Variants in ADGRB3 observed in about 807,000 individuals in gnomAD.
The protein encoded by ADGRB3 is adhesion G protein-coupled receptor B3.
ADGRB3 carries 37 observed loss-of-function variants against 193.4 expected under a neutral mutation model. The observed-to-expected ratio is 0.19, with a 90% CI of 0.15 to 0.25. The LOEUF is 0.25. Ranked by LOEUF, ADGRB3 falls within the 10% of genes least tolerant of loss-of-function variation. ADGRB3 has a pLI of 1.00. For synonymous variants in ADGRB3, 690 were observed against 644.2 expected, an observed-to-expected ratio of 1.07 and a Z score of -1.08; for missense variants, 1,637 against 1,852.9, an observed-to-expected ratio of 0.88 and a Z score of 2.14.
Position 69,383,439 on chromosome 6 carries a change from T to C in ADGRB3, c.4380+504T>C, listed in dbSNP as rs1008883381. On this transcript the variant is annotated intron_variant, in intron 31 of 31. Coordinates refer to ENST00000370598, the MANE Select transcript of ADGRB3 (RefSeq NM_001704.3). ...CTCTGGTTATTAACTGTGACCATTC[T>C]CTTCTCATTCATTTACATTATTATA... 1.3e-4 allele frequency among the ~76,000 whole-genome samples: 20 copies of C among 152,002 alleles called. 1 individual carries two copies. Among genetic ancestry groups the C allele is most frequent in the Admixed American group, 8.5e-4 (13 of 15,228 alleles).
Position 69,376,885 on chromosome 6 carries a change from C to A in ADGRB3, c.4275+4444C>A, listed in dbSNP as rs868372441. Among the ~76,000 whole-genome samples, 28 of 152,020 alleles carry A rather than the reference C, an allele frequency of 1.8e-4. 1 individual carries two copies. The highest frequency in any genetic ancestry group is 6.5e-4 in the African/African-American group (27 of 41,490). On this transcript the variant is annotated intron_variant, in intron 30 of 31. Coordinates refer to ENST00000370598, the MANE Select transcript of ADGRB3 (RefSeq NM_001704.3). ...CTGTTGCAAAATTATGCATTTACAG[C>A]AAGTATACTCATGATTGACAGTGGC...
At chr6:69,232,000 A>G (rs1766150910) in intron 17 of ADGRB3, among the ~76,000 whole-genome samples, 1 of 152,214 alleles carries the variant, frequency 6.6e-6, no homozygotes, top group South Asian at 2.1e-4. Context: ...TTGCATGCAT[A>G]TTTAACCCAA....
At chr6:69,300,302 A>G (rs1767921938) in intron 20 of ADGRB3, among the ~76,000 whole-genome samples, 1 of 151,792 alleles carries the variant, frequency 6.6e-6, no homozygotes, top group Non-Finnish European at 1.5e-5. Context: ...AGCTGGATAT[A>G]AAAGGAACAT....
rs12527708 is a variant in ADGRB3, at chr6:68,851,895, G to T, written c.758-78664G>T. Among the ~76,000 whole-genome samples the T allele has an allele frequency of 2.9e-3, 439 of 151,860 alleles. 3 individuals carry two copies. Among genetic ancestry groups the T allele is most frequent in the African/African-American group, 9.1e-3 (376 of 41,500 alleles). On this transcript the variant is annotated intron_variant, in intron 3 of 31. Transcript: ENST00000370598. ...CTAAAGATATAGATTTCACGGAGAC[G>T]GTGATATTTCTGATATTCTTGACTG...
At chr6:68,880,892 G>C (rs982300999) in intron 3 of ADGRB3, among the ~76,000 whole-genome samples, 2 of 152,016 alleles carry the variant, frequency 1.3e-5, no homozygotes, top group African/African-American at 4.8e-5. Flanking sequence ...TAAAAAAGAG[G>C]CCAAGGAATA....
intron 26 of ADGRB3, among the ~76,000 whole-genome samples, chr6:69,343,718 A>G (rs1269033566): frequency 4.6e-5 from 7 of 152,292 alleles, no homozygotes; most frequent in Non-Finnish European, 1.0e-4. Flanking sequence ...GAAAAAAACA[A>G]AAGACAAAAA....
chr6:68,922,243 G>A (rs1365285519), intron 3 of ADGRB3, among the ~76,000 whole-genome samples: 1 of 152,166 alleles, frequency 6.6e-6, no homozygotes, highest in East Asian at 1.9e-4. Flanking sequence ...CTCATTTAAT[G>A]TTTGTTGAAT....
At chr6:69,174,537 G>A (rs1174112051) in intron 17 of ADGRB3, among the ~76,000 whole-genome samples, 2 of 152,166 alleles carry the variant, frequency 1.3e-5, no homozygotes, top group Non-Finnish European at 1.5e-5. Context: ...CTTTGCTATT[G>A]TAAATAGTGC....
intron 20 of ADGRB3, among the ~76,000 whole-genome samples, chr6:69,273,221 C>T (rs1487167362): frequency 1.3e-5 from 2 of 152,096 alleles, no homozygotes; most frequent in Non-Finnish European, 2.9e-5. Flanking sequence ...TCTAAATTCT[C>T]TCCCATAAAA....
chr6:69,078,559 C>T (rs182272055), intron 17 of ADGRB3, among the ~76,000 whole-genome samples: 70 of 152,106 alleles, frequency 4.6e-4, no homozygotes, highest in African/African-American at 1.7e-3. Flanking sequence ...TTCCTCGTAT[C>T]TGCTGCATTG....
At chr6:68,781,089 G>T (rs545294133) in intron 3 of ADGRB3, among the ~76,000 whole-genome samples, 1 of 152,212 alleles carries the variant, frequency 6.6e-6, no homozygotes, top group South Asian at 2.1e-4. Flanking sequence ...GCATGAATTC[G>T]TGTACAGTTT....
intron 20 of ADGRB3, among the ~76,000 whole-genome samples, chr6:69,241,847 T>C (rs1410624339): frequency 6.6e-6 from 1 of 151,608 alleles, no homozygotes; most frequent in African/African-American, 2.4e-5. Context: ...CGGGGAGGAG[T>C]GGGTGGTAAG....
intron 26 of ADGRB3, among the ~76,000 whole-genome samples, chr6:69,344,900 G>A (rs1404687458): frequency 6.6e-6 from 1 of 152,120 alleles, no homozygotes; most frequent in Non-Finnish European, 1.5e-5. Flanking sequence ...CATGGAGTGG[G>A]GCCTGTGGTG....
intron 3 of ADGRB3, among the ~76,000 whole-genome samples, chr6:68,908,703 A>T (rs917296295): frequency 2.6e-5 from 4 of 152,156 alleles, no homozygotes; most frequent in Non-Finnish European, 5.9e-5. Context: ...TTCAAAACAA[A>T]GCCCTTGTTG....
At chr6:69,205,920 G>A (rs943359818) in intron 17 of ADGRB3, among the ~76,000 whole-genome samples, 2 of 150,284 alleles carry the variant, frequency 1.3e-5, no homozygotes, top group Non-Finnish European at 3.0e-5. Context: ...CAAGTACCTG[G>A]GACTACAGGC....
intron 3 of ADGRB3, among the ~76,000 whole-genome samples, chr6:68,824,794 A>G (rs1767812128): frequency 6.6e-6 from 1 of 151,056 alleles, no homozygotes; most frequent in Admixed American, 6.6e-5. Context: ...CATTTATTTT[A>G]TGTATTCTAT....
intron 10 of ADGRB3, among the ~76,000 whole-genome samples, chr6:68,979,853 CTCTT>C (rs1320457020): frequency 6.6e-6 from 1 of 151,388 alleles, no homozygotes; most frequent in African/African-American, 2.4e-5. Flanking sequence ...CTTTCTCTCT[CTCTT>C]CTCTCTCCTC....
chr6:69,228,961 A>T (rs1380466181), intron 17 of ADGRB3, among the ~76,000 whole-genome samples: 1 of 152,178 alleles, frequency 6.6e-6, no homozygotes, highest in Non-Finnish European at 1.5e-5. Context: ...CACTAAAATC[A>T]TCTGAAGGAC....
intron 3 of ADGRB3, among the ~76,000 whole-genome samples, chr6:68,839,006 C>T (rs538296163): frequency 1.2e-3 from 190 of 152,102 alleles, no homozygotes; most frequent in African/African-American, 4.4e-3. Flanking sequence ...GGTTACATGA[C>T]CTGAGAGGAA....
Sources: allele counts gnomAD v4.1 joint callset (sites outside exome capture counted in the v4.1 genomes callset), GRCh38; gene constraint gnomAD v4.1.1; transcripts MANE v1.5; gene names NCBI Gene and HGNC (gene_info 2026-07-23, HGNC 2026-07-21).